TMEM183A: variants seen among roughly 807,000 people sequenced by gnomAD.
TMEM183A encodes the protein transmembrane protein 183A.
In TMEM183A, 21 loss-of-function variants were observed where a neutral mutation model predicts 46.7. That is an observed-to-expected ratio of 0.45 (90% CI 0.32 to 0.65). TMEM183A has a LOEUF of 0.65. Among genes scored for constraint, TMEM183A ranks in the 30% least tolerant of loss-of-function variants. The pLI is 0.04. For missense variants in TMEM183A, 331 were observed against 481.9 expected (o/e 0.69, Z 2.93); for synonymous variants, 165 against 180.2 (o/e 0.92, Z 0.68).
At chr1:203,011,219 G>A (rs1301028327) in intron 3 of TMEM183A, among the ~76,000 whole-genome samples, 5 of 152,018 alleles carry the variant, frequency 3.3e-5, no homozygotes, top group Non-Finnish European at 5.9e-5. Context: ...TGTGTGCATC[G>A]TTTTATATTT....
chr1:203,008,848 C>T lies in TMEM183A; in HGVS notation c.367+38C>T, dbSNP rs199539030. 57 of 1,526,630 alleles carry T rather than the reference C, an allele frequency of 3.7e-5. No homozygotes were observed. The East Asian group carries it at 1.4e-3, about 37-fold the overall frequency. 94.6% of individuals were successfully genotyped at this position (1,526,630 alleles called of 1,614,324 possible). On this transcript the variant is annotated intron_variant, in intron 3 of 7. Transcript: ENST00000367242. ...TTCTCTTTTGGTTTATTAGACCTGCCTGTGGTGACAAATTGAAGATGTTAC... is the reference window on the plus strand; with the variant it reads ...TTCTCTTTTGGTTTATTAGACCTGCTTGTGGTGACAAATTGAAGATGTTAC...
chr1:203,012,153 C>CACACACAA lies in TMEM183A; in HGVS notation c.368-2729_368-2728insAACACACA, dbSNP rs1274318680. Among the ~76,000 whole-genome samples, 82 of 129,694 alleles carry CACACACAA rather than the reference C, an allele frequency of 6.3e-4. 6 individuals are homozygous for CACACACAA. The East Asian group carries it at 0.017, about 27-fold the overall frequency. 85.1% of individuals were successfully genotyped at this position (129,694 alleles called of 152,430 possible). ...AACCATTACCCCCCACTCCATCACA[C>CACACACAA]ACACACACACACACACACACACACA... On this transcript the variant is annotated intron_variant, in intron 3 of 7. Coordinates refer to ENST00000367242, the MANE Select transcript of TMEM183A (RefSeq NM_138391.6).
intron 4 of TMEM183A, chr1:203,015,328 TC>T: frequency 2.2e-6 from 1 of 449,570 alleles, no homozygotes; most frequent in Non-Finnish European, 4.0e-6. Flanking sequence ...CTTTGACTTT[TC>T]TTCAGAGGCT....
chr1:203,017,033 A>G (rs1431924022), intron 5 of TMEM183A, among the ~76,000 whole-genome samples: 1 of 152,126 alleles, frequency 6.6e-6, no homozygotes, highest in Non-Finnish European at 1.5e-5. Flanking sequence ...ATCCTACCTA[A>G]TACATATTAA....
chr1:203,016,365 T>TA, intron 5 of TMEM183A: 1 of 582,646 alleles, frequency 1.7e-6, no homozygotes. Flanking sequence ...GTGTATTCCT[T>TA]ATTCTTTTTA....
At chr1:203,009,772 C>G (rs1482304509) in intron 3 of TMEM183A, among the ~76,000 whole-genome samples, 1 of 152,168 alleles carries the variant, frequency 6.6e-6, no homozygotes, top group African/African-American at 2.4e-5. Flanking sequence ...GCATAAGCTA[C>G]CATGCTTAGC....
chr1:203,012,692 T>C (rs533629999), intron 3 of TMEM183A, among the ~76,000 whole-genome samples: 2 of 152,320 alleles, frequency 1.3e-5, no homozygotes, highest in African/African-American at 2.4e-5. Flanking sequence ...AAAGTCCTTA[T>C]GGGTCTCAGT....
At chr1:203,011,287 G>A (rs1449019705) in intron 3 of TMEM183A, among the ~76,000 whole-genome samples, 1 of 152,140 alleles carries the variant, frequency 6.6e-6, no homozygotes, top group African/African-American at 2.4e-5. Context: ...ACTTGTTATT[G>A]TCTGACTTTT....
Position 203,016,046 on chromosome 1 carries a change from G to A in TMEM183A, c.614G>A (p.Arg205Gln). The change falls in exon 5 of 8, where the codon CGA becomes CAA. Residue 205 changes from arginine (R) to glutamine (Q), a missense_variant. Arg to Gln is a conservative substitution (Grantham distance 43, BLOSUM62 1). This residue lies in a region of TMEM183A where 233 missense variants were observed against 385.8 expected (regional missense o/e 0.60). Transcript: ENST00000367242. Reference sequence around the variant, plus strand: ...CGCTGTCTCCGGGCTTGTGTGATCCGATCTCTGTACCATATGTATGAGCCA... The same window carrying A: ...CGCTGTCTCCGGGCTTGTGTGATCCAATCTCTGTACCATATGTATGAGCCA... ...KLRCLRACVI[R>Q]SLYHMYEPFA... is the part of the protein sequence containing the mutation. The A allele has an allele frequency of 6.2e-7, 1 of 1,614,086 alleles. No homozygotes were observed. Among genetic ancestry groups the A allele is most frequent in the Non-Finnish European group, 8.5e-7 (1 of 1,179,960 alleles).
chr1:203,017,814 T>G, intron 5 of TMEM183A: 3 of 985,904 alleles, frequency 3.0e-6, no homozygotes, highest in Non-Finnish European at 3.6e-6. Context: ...TGTTTTCCCC[T>G]TAAAGCCAAG....
rs2102530780 is a variant in TMEM183A, at chr1:203,008,846, G to T, written c.367+36G>T. On this transcript the variant is annotated intron_variant, in intron 3 of 7. Transcript: ENST00000367242. ...TGTTCTCTTTTGGTTTATTAGACCT[G>T]CCTGTGGTGACAAATTGAAGATGTT... is the stretch of plus-strand genomic sequence containing the variant. The T allele has an allele frequency of 2.0e-6, 3 of 1,531,246 alleles. No homozygotes were observed. In the East Asian group the frequency reaches 7.3e-5, roughly 37 times the overall value. 94.9% of individuals were successfully genotyped at this position (1,531,246 alleles called of 1,614,324 possible).
Position 203,014,920 on chromosome 1 carries a change from T to C in TMEM183A, c.399T>C (p.Tyr133=). The stretch of plus-strand genomic sequence containing the variant: ...TGGACGGGGCTGGAGGAGAAGAGTA[T>C]CCCATGGATATTTGGCTATTGCTGG... The part of the protein sequence containing the change: ...EELDGAGGEE[Y]PMDIWLLLAS... Residue 133 remains tyrosine, a synonymous_variant, in exon 4 of 8, where the codon TAT becomes TAC. Transcript: ENST00000367242. The C allele has an allele frequency of 6.2e-7, 1 of 1,613,916 alleles. No individual in the cohort carries two copies. Among genetic ancestry groups the C allele is most frequent in the Non-Finnish European group, 8.5e-7 (1 of 1,179,834 alleles).
Position 203,009,435 on chromosome 1 carries a change from C to T in TMEM183A, c.367+625C>T, listed in dbSNP as rs12088413. Among the ~76,000 whole-genome samples, 597 of 152,248 alleles carry T rather than the reference C, an allele frequency of 3.9e-3. 4 individuals are homozygous for T. The highest frequency in any genetic ancestry group is 0.014 in the African/African-American group (577 of 41,548). On this transcript the variant is annotated intron_variant, in intron 3 of 7. Transcript: ENST00000367242. The stretch of plus-strand genomic sequence containing the variant: ...ACCATCATTCAGATTCTGGGTTTTC[C>T]TTCAGACTTAATGAGTCAGAATCTC...
chr1:203,019,104 T>C (rs941167655), intron 6 of TMEM183A, among the ~76,000 whole-genome samples: 3 of 152,242 alleles, frequency 2.0e-5, no homozygotes, highest in Admixed American at 2.0e-4. Context: ...TCTGGAACTT[T>C]CTGAGTGGCA....
At chr1:203,019,159 G>A (rs1348264922) in intron 6 of TMEM183A, among the ~76,000 whole-genome samples, 1 of 152,190 alleles carries the variant, frequency 6.6e-6, no homozygotes. Context: ...TTTGGATTTT[G>A]GGTTTGTGGA....
At chr1:203,018,400 TG>T in intron 5 of TMEM183A, 80 bp from the exon 6 acceptor site, 1 of 1,501,396 alleles carries the variant, frequency 6.7e-7, no homozygotes, top group South Asian at 1.3e-5. Context: ...GAAAGGTTTT[TG>T]GTGATTATTT....
intron 3 of TMEM183A, among the ~76,000 whole-genome samples, chr1:203,012,499 C>G (rs1292013753): frequency 2.0e-5 from 3 of 152,184 alleles, no homozygotes; most frequent in Admixed American, 6.5e-5. Context: ...TTCCTCTTAA[C>G]CTATGCCTAT....
At chr1:203,022,720 G>T (rs1166019044) in intron 7 of TMEM183A, 135 bp from the exon 8 acceptor site, 1 of 1,238,342 alleles carries the variant, frequency 8.1e-7, no homozygotes, top group African/African-American at 1.5e-5. Flanking sequence ...AAAAAAAAAG[G>T]TGTTTGTTTT....
At chr1:203,021,406 C>CA (rs985617735) in intron 7 of TMEM183A, among the ~76,000 whole-genome samples, 4 of 149,776 alleles carry the variant, frequency 2.7e-5, no homozygotes, top group East Asian at 1.9e-4. Context: ...TATCTTTTTT[C>CA]AAAAAAAAAG....
Sources: gnomAD v4.1 joint callset for allele counts (sites outside exome capture counted in the v4.1 genomes callset) on GRCh38, gnomAD v4.1.1 for gene constraint, gnomAD v4.1.1 regional missense constraint, MANE v1.5 for transcripts, NCBI Gene and HGNC (gene_info 2026-07-23, HGNC 2026-07-21) for gene names.